Variants in PRKRIP1 observed in about 807,000 individuals in gnomAD.
PRKRIP1 encodes PRKR-interacting protein 1.
PRKRIP1 carries 29 observed loss-of-function variants against 29.3 expected under a neutral mutation model. The ratio of observed to expected loss-of-function variants is 0.99; its 90% CI spans 0.74 to 1.35. The LOEUF is 1.35. Ranked by LOEUF, PRKRIP1 falls within the 40% of genes most tolerant of loss-of-function variation. The probability of loss-of-function intolerance (pLI) is 0.00; values close to 1 mark genes in which losing one functional copy is unlikely to be tolerated. For synonymous variants in PRKRIP1, 90 were observed against 85.1 expected, an observed-to-expected ratio of 1.06 and a Z score of -0.32; for missense variants, 247 against 236.8, an observed-to-expected ratio of 1.04 and a Z score of -0.28.
intron 1 of PRKRIP1, among the ~76,000 whole-genome samples, 159 bp downstream of exon 1, chr7:102,396,696 CTG>C (rs1425338917): frequency 1.8e-4 from 28 of 152,172 alleles, no homozygotes; most frequent in African/African-American, 6.8e-4. Context: ...GAGAAGGAGG[CTG>C]TCCCGGAGAT....
At chr7:102,402,499 A>C (rs1256222463) in intron 3 of PRKRIP1, among the ~76,000 whole-genome samples, 1 of 152,122 alleles carries the variant, frequency 6.6e-6, no homozygotes, top group Non-Finnish European at 1.5e-5. Context: ...AGAAACTACT[A>C]TCAGAAGAAA....
chr7:102,409,337 C>T (rs1237478922), intron 5 of PRKRIP1, among the ~76,000 whole-genome samples: 1 of 152,170 alleles, frequency 6.6e-6, no homozygotes, highest in African/African-American at 2.4e-5. Context: ...AGGACCTCAT[C>T]TCTCAAATAA....
chr7:102,413,994 G>A (rs930990447), intron 5 of PRKRIP1, among the ~76,000 whole-genome samples: 1 of 152,068 alleles, frequency 6.6e-6, no homozygotes, highest in African/African-American at 2.4e-5. Flanking sequence ...TTGGGAGGGC[G>A]AGGCGGACAG....
intron 5 of PRKRIP1, among the ~76,000 whole-genome samples, chr7:102,413,336 T>G (rs1203594972): frequency 6.6e-6 from 1 of 152,252 alleles, no homozygotes; most frequent in African/African-American, 2.4e-5. Context: ...TGGATCAAAC[T>G]GTTTCTTTCA....
intron 5 of PRKRIP1, among the ~76,000 whole-genome samples, chr7:102,420,908 AACCTTTCCACATAC>A (rs1351906097): frequency 6.6e-6 from 1 of 152,056 alleles, no homozygotes; most frequent in African/African-American, 2.4e-5. Flanking sequence ...GCTGCAATAC[AACCTTTCCACATAC>A]ACCCAGATTT....
At chr7:102,408,980 C>G (rs1350778944) in intron 5 of PRKRIP1, among the ~76,000 whole-genome samples, 3 of 152,150 alleles carry the variant, frequency 2.0e-5, no homozygotes, top group Non-Finnish European at 4.4e-5. Flanking sequence ...TCGAGACCAG[C>G]CTGGCCAACG....
rs530725385 is a variant in PRKRIP1, at chr7:102,398,749, T to A, written c.206-799T>A. Among the ~76,000 whole-genome samples, 68 of 152,296 alleles carry A rather than the reference T, an allele frequency of 4.5e-4. 2 individuals carry two copies. In the South Asian group the frequency reaches 0.011, roughly 24 times the overall value. ...AAAGTGAATGTCGCAATAAAGGGAA[T>A]CATGTAAATTCTTTAGTTTCCCACT... On this transcript the variant is annotated intron_variant, in intron 2 of 5. Coordinates refer to ENST00000397912, the MANE Select transcript of PRKRIP1 (RefSeq NM_024653.4).
At chr7:102,412,941 A>G (rs1248943731) in intron 5 of PRKRIP1, among the ~76,000 whole-genome samples, 1 of 151,794 alleles carries the variant, frequency 6.6e-6, no homozygotes, top group Non-Finnish European at 1.5e-5. Context: ...GCAGCCTTGA[A>G]CTCCCCAGAT....
chr7:102,424,336 G>A (rs746683710), intron 5 of PRKRIP1, among the ~76,000 whole-genome samples: 73 of 152,258 alleles, frequency 4.8e-4, no homozygotes, highest in Non-Finnish European at 8.4e-4. Flanking sequence ...TGCGGCCGGC[G>A]TCCTGGCATG....
intron 5 of PRKRIP1, among the ~76,000 whole-genome samples, chr7:102,418,648 G>T (rs1183985103): frequency 6.6e-6 from 1 of 152,028 alleles, no homozygotes; most frequent in African/African-American, 2.4e-5. Flanking sequence ...CACTCCAATA[G>T]TGAGTATCTT....
In PRKRIP1 at chr7:102,426,051, CAT is replaced by C. The variant is rs1334007412; in HGVS notation, c.*941_*942del. ...AAGAGAGGCGGAACTGCTGTGTCCT[CAT>C]GTGGCGCAGCCTCAAACTGGCATCC... On this transcript the variant is annotated 3_prime_UTR_variant, in exon 6 of 6. Transcript: ENST00000397912. 1 of 153,010 alleles carries C rather than the reference CAT, an allele frequency of 6.5e-6. No homozygotes were observed. The highest frequency in any genetic ancestry group is 1.5e-5 in the Non-Finnish European group (1 of 68,262). 9.5% of individuals were successfully genotyped at this position (153,010 alleles called of 1,614,324 possible). A position where few individuals can be genotyped will look rare whatever the true frequency, so the allele number is the denominator to read the frequency against.
intron 5 of PRKRIP1, among the ~76,000 whole-genome samples, chr7:102,408,922 C>T (rs1453107189): frequency 1.3e-5 from 2 of 151,884 alleles, no homozygotes; most frequent in African/African-American, 4.8e-5. Context: ...GCCTGTAATC[C>T]CAGCACTTTG....
chr7:102,397,793 C>A, intron 2 of PRKRIP1, 95 bp downstream of exon 2: 4 of 1,190,408 alleles, frequency 3.4e-6, no homozygotes, highest in Non-Finnish European at 4.8e-6. Context: ...TGCCTCTAAT[C>A]CCAGCACTTT....
At position 102,425,500 on chromosome 7, in the gene PRKRIP1, TG is replaced by T; in HGVS notation, c.*390del. On this transcript the variant is annotated 3_prime_UTR_variant, in exon 6 of 6. Coordinates refer to ENST00000397912, the MANE Select transcript of PRKRIP1 (RefSeq NM_024653.4). ...GAGTCGCAAACACTCTGGAGAAGGC[TG>T]AGATGCCACCATTCCCACGGGGACT... 3.3e-6 allele frequency: 1 copy of T among 300,504 alleles called. No homozygotes were observed. The highest frequency in any genetic ancestry group is 5.2e-5 in the Admixed American group (1 of 19,166). 18.6% of individuals were successfully genotyped at this position (300,504 alleles called of 1,614,324 possible). A position where few individuals can be genotyped will look rare whatever the true frequency, so the allele number is the denominator to read the frequency against.
intron 3 of PRKRIP1, 133 bp downstream of exon 3, chr7:102,399,781 CAG>C (rs1262264665): frequency 6.3e-6 from 4 of 638,922 alleles, no homozygotes; most frequent in Admixed American, 5.4e-5. Context: ...AAGGCCGAGG[CAG>C]GGGATCACCT....
At position 102,399,594 on chromosome 7, in the gene PRKRIP1, T is replaced by G. The variant is rs1554570934; in HGVS notation, c.252T>G (p.His84Gln). ...AGSGEFHVYR[H>Q]LRRREYQRQD... ...GTGGAGAGTTCCACGTGTACAGACA[T>G]CTGCGCCGGAGAGAATATCAGCGAC... Residue 84 changes from histidine to glutamine, a missense_variant, in exon 3 of 6, where the codon CAT (histidine) becomes CAG (glutamine). Physicochemically the swap from His to Gln is conservative, Grantham distance 24. This residue lies in a region of PRKRIP1 where 134 missense variants were observed against 126.6 expected (regional missense o/e 1.06). Coordinates refer to ENST00000397912, the MANE Select transcript of PRKRIP1 (RefSeq NM_024653.4). 6.2e-7 allele frequency: 1 copy of G among 1,614,122 alleles called. No homozygotes were observed. Among genetic ancestry groups the G allele is most frequent in the Non-Finnish European group, 8.5e-7 (1 of 1,180,022 alleles).
chr7:102,404,267 G>A, intron 3 of PRKRIP1: 1 of 213,504 alleles, frequency 4.7e-6, no homozygotes, highest in Non-Finnish European at 9.4e-6. Flanking sequence ...ATGAGCTCTG[G>A]GCAGTATCCA....
At chr7:102,416,681 GT>G (rs1796557248) in intron 5 of PRKRIP1, among the ~76,000 whole-genome samples, 5 of 36,718 alleles carry the variant, frequency 1.4e-4, no homozygotes, top group Non-Finnish European at 2.4e-4. Context: ...GTTTTGTGGG[GT>G]GTTTTTTTTT....
chr7:102,396,381 C>G lies in PRKRIP1; in HGVS notation c.-31C>G. ...TGTCGTCATACTTGCGCGCCGACGC[C>G]GCCGCTCGCTTGTGAAACTGGAAGG... On this transcript the variant is annotated 5_prime_UTR_variant, in exon 1 of 6. Coordinates refer to ENST00000397912, the MANE Select transcript of PRKRIP1 (RefSeq NM_024653.4). The G allele has an allele frequency of 6.6e-7, 1 of 1,504,724 alleles. No individual in the cohort carries two copies. Among genetic ancestry groups the G allele is most frequent in the Non-Finnish European group, 8.8e-7 (1 of 1,132,416 alleles). 93.2% of individuals were successfully genotyped at this position (1,504,724 alleles called of 1,614,324 possible).
Sources: gnomAD v4.1 joint callset for allele counts (sites outside exome capture counted in the v4.1 genomes callset) on GRCh38, gnomAD v4.1.1 for gene constraint, gnomAD v4.1.1 regional missense constraint, MANE v1.5 for transcripts, NCBI Gene and HGNC (gene_info 2026-07-23, HGNC 2026-07-21) for gene names.